The following KLF7 variants were observed in gnomAD, a reference collection of about 807,000 sequenced individuals.
KLF7 encodes KLF transcription factor 7.
In KLF7, 2 loss-of-function variants were observed where a neutral mutation model predicts 27.3. The ratio of observed to expected loss-of-function variants is 0.07; its 90% CI spans 0.03 to 0.23. The LOEUF (loss-of-function observed/expected upper bound fraction) is 0.23, where lower values mean the gene tolerates loss of function less well. Among genes scored for constraint, KLF7 ranks in the 10% least tolerant of loss-of-function variants. KLF7 has a pLI of 1.00. For synonymous variants in KLF7, 165 were observed against 162.4 expected, an observed-to-expected ratio of 1.02 and a Z score of -0.12; for missense variants, 221 against 394.1, an observed-to-expected ratio of 0.56 and a Z score of 3.72.
At chr2:207,134,580 T>C (rs904784423) in intron 1 of KLF7, among the ~76,000 whole-genome samples, 3 of 152,188 alleles carry the variant, frequency 2.0e-5, no homozygotes, top group African/African-American at 7.2e-5. Flanking sequence ...CTGTTTTTCC[T>C]GATATGGATT....
chr2:207,154,652 C>A (rs1018212924), intron 1 of KLF7, among the ~76,000 whole-genome samples: 4 of 152,082 alleles, frequency 2.6e-5, no homozygotes. Flanking sequence ...GAGCATTGTG[C>A]CTCTGTGTAT....
intron 1 of KLF7, among the ~76,000 whole-genome samples, chr2:207,164,027 C>T (rs1022450294): frequency 1.3e-5 from 2 of 152,232 alleles, no homozygotes; most frequent in African/African-American, 4.8e-5. Flanking sequence ...GACAAGAATG[C>T]ATGTGTGGAC....
intron 2 of KLF7, among the ~76,000 whole-genome samples, chr2:207,098,599 T>A (rs114674204): frequency 0.022 from 3,261 of 149,236 alleles, 42 homozygotes; most frequent in Non-Finnish European, 0.032. Flanking sequence ...AGGAACAGAC[T>A]CTTACTACAA....
At chr2:207,120,533 G>A (rs1190136465) in intron 2 of KLF7, among the ~76,000 whole-genome samples, 1 of 152,028 alleles carries the variant, frequency 6.6e-6, no homozygotes, top group African/African-American at 2.4e-5. Context: ...TCTTTCTCTG[G>A]GATGGTATTC....
At chr2:207,086,146 G>C (rs549489202) in intron 3 of KLF7, among the ~76,000 whole-genome samples, 1 of 152,186 alleles carries the variant, frequency 6.6e-6, no homozygotes, top group Non-Finnish European at 1.5e-5. Context: ...CAAATTTTAA[G>C]AGACAAGAGG....
Position 207,088,597 on chromosome 2 carries a change from G to A in KLF7, c.734-16C>T. 1.2e-6 allele frequency: 2 copies of A among 1,611,954 alleles called. No individual in the cohort carries two copies. The highest frequency in any genetic ancestry group is 1.7e-6 in the Non-Finnish European group (2 of 1,178,784). On this transcript the variant is annotated splice_polypyrimidine_tract_variant and intron_variant, in intron 2 of 3. Transcript: ENST00000309446. Reference sequence around the variant, plus strand: ...GGCTTCTCACCTGCAAGAAGAGATGGAAGGACCGTGGTCAGCAGCAGGAAC... The same window carrying A: ...GGCTTCTCACCTGCAAGAAGAGATGAAAGGACCGTGGTCAGCAGCAGGAAC...
chr2:207,090,653 A>G (rs578233416), intron 2 of KLF7, among the ~76,000 whole-genome samples: 3 of 152,214 alleles, frequency 2.0e-5, no homozygotes, highest in Non-Finnish European at 4.4e-5. Context: ...GTCTACAGAC[A>G]TGCTGGGTAT....
In KLF7 at chr2:207,128,550, G is replaced by T. The variant is rs2077540716; in HGVS notation, c.103-4146C>A. On this transcript the variant is annotated intron_variant, in intron 1 of 3. Transcript: ENST00000309446. ...TATCCACCGAACAAAATATTTATTTGTTAATTATGAAGATAAAATATAATA... is the reference window on the plus strand; with the variant it reads ...TATCCACCGAACAAAATATTTATTTTTTAATTATGAAGATAAAATATAATA... 3.3e-5 allele frequency among the ~76,000 whole-genome samples: 5 copies of T among 152,266 alleles called. 1 individual carries two copies. The South Asian group carries it at 1.0e-3, about 32-fold the overall frequency.
At position 207,081,046 on chromosome 2, in the gene KLF7, TGTGA is replaced by T. The variant is rs977705321; in HGVS notation, c.*163_*166del. 2.3e-5 allele frequency: 15 copies of T among 660,670 alleles called. No homozygotes were observed. The highest frequency in any genetic ancestry group is 8.7e-5 in the South Asian group (5 of 57,650). The allele number at this position is 660,670 out of a possible 1,614,324, so 40.9% of individuals were successfully genotyped here. The stretch of plus-strand genomic sequence containing the variant: ...ATGACAGTGTGTATGTGTGTGGGTC[TGTGA>T]GTGTGTGTATATGTGTGTGTGTGTG... On this transcript the variant is annotated 3_prime_UTR_variant, in exon 4 of 4. Coordinates refer to ENST00000309446, the MANE Select transcript of KLF7 (RefSeq NM_003709.4).
chr2:207,089,084 A>T (rs779412239), intron 2 of KLF7, among the ~76,000 whole-genome samples: 1 of 152,154 alleles, frequency 6.6e-6, no homozygotes, highest in Non-Finnish European at 1.5e-5. Context: ...TGACTGACAA[A>T]GCAAACAGCT....
At chr2:207,166,886 C>T (rs959256849), upstream of KLF7, 49 of 1,075,228 alleles carry the variant, frequency 4.6e-5, no homozygotes, top group African/African-American at 6.0e-4. Flanking sequence ...CGGAGCGAGA[C>T]CGCGGCCTGC....
intron 1 of KLF7, among the ~76,000 whole-genome samples, chr2:207,131,389 C>T (rs2106017561): frequency 6.6e-6 from 1 of 152,336 alleles, no homozygotes; most frequent in South Asian, 2.1e-4. Flanking sequence ...GAGAAACAAA[C>T]CCCTTGCCTT....
intron 2 of KLF7, among the ~76,000 whole-genome samples, chr2:207,117,313 C>T (rs759531012): frequency 6.6e-6 from 1 of 152,200 alleles, no homozygotes; most frequent in Non-Finnish European, 1.5e-5. Flanking sequence ...TAAGATTTTA[C>T]TGAATCAGAA....
chr2:207,111,858 T>C (rs575716793), intron 2 of KLF7, among the ~76,000 whole-genome samples: 4 of 152,092 alleles, frequency 2.6e-5, no homozygotes, highest in African/African-American at 9.7e-5. Flanking sequence ...CTGCCCTGGG[T>C]TTCCAGGGTC....
rs764939068 is a variant in KLF7 at position 207,124,228 on chromosome 2, C to T, written c.279G>A (p.Ser93=). The T allele has an allele frequency of 6.2e-6, 10 of 1,613,906 alleles. No homozygotes were observed. Among genetic ancestry groups the T allele is most frequent in the Admixed American group, 1.7e-5 (1 of 59,986 alleles). ...CCCGAGAGAGCAAGATGTCCACTGC[C>T]GAGCTCTTCTCACAGATGGCCGCTT... ...PVEAAICEKS[S]AVDILLSRDK... The change falls in exon 2 of 4, where the codon TCG becomes TCA. Residue 93 remains serine (S), a synonymous_variant. Transcript: ENST00000309446.
At chr2:207,166,888 G>A, upstream of KLF7, 1 of 1,072,034 alleles carries the variant, frequency 9.3e-7, no homozygotes. Flanking sequence ...GAGCGAGACC[G>A]CGGCCTGCGC....
At chr2:207,139,913 C>G (rs1476140955) in intron 1 of KLF7, among the ~76,000 whole-genome samples, 1 of 152,006 alleles carries the variant, frequency 6.6e-6, no homozygotes, top group African/African-American at 2.4e-5. Flanking sequence ...AAGAGTCTTT[C>G]TTTTTTGAGA....
At chr2:207,166,049 C>G (rs1323334002), upstream of KLF7, 3 of 553,800 alleles carry the variant, frequency 5.4e-6, no homozygotes, top group African/African-American at 7.1e-5. Context: ...CCACCCCCCA[C>G]CCCATCCTTG....
chr2:207,127,853 A>G (rs747965100), intron 1 of KLF7, among the ~76,000 whole-genome samples: 2 of 152,236 alleles, frequency 1.3e-5, no homozygotes, highest in Admixed American at 1.3e-4. Flanking sequence ...AAAAAAAAAA[A>G]TCCCTATGAT....
Sources: allele counts gnomAD v4.1 joint callset (sites outside exome capture counted in the v4.1 genomes callset), GRCh38; gene constraint gnomAD v4.1.1; transcripts MANE v1.5; gene names NCBI Gene and HGNC (gene_info 2026-07-23, HGNC 2026-07-21).